The following KCNMB4 variants were observed in gnomAD, a reference collection of about 807,000 sequenced individuals.
KCNMB4 encodes potassium calcium-activated channel subfamily M regulatory beta subunit 4, also known as calcium-activated potassium channel subunit beta-4.
Under a neutral mutation model 20.7 loss-of-function variants are expected in KCNMB4, and 3 were observed. The observed-to-expected ratio is 0.14, with a 90% confidence interval of 0.07 to 0.37. The LOEUF (loss-of-function observed/expected upper bound fraction) is 0.37, where lower values mean the gene tolerates loss of function less well. Among genes scored for constraint, KCNMB4 ranks in the 10% least tolerant of loss-of-function variants. The pLI, the probability that KCNMB4 is intolerant of heterozygous loss-of-function variation, is 1.00. For missense variants in KCNMB4, 168 were observed against 265.9 expected, an observed-to-expected ratio of 0.63 and a Z score of 2.56; for synonymous variants, 110 against 113.4, an observed-to-expected ratio of 0.97 and a Z score of 0.19.
intron 1 of KCNMB4, among the ~76,000 whole-genome samples, chr12:70,373,091 C>T (rs375592176): frequency 3.7e-4 from 56 of 152,092 alleles, no homozygotes; most frequent in Non-Finnish European, 6.3e-4. Context: ...AGAGTAAATT[C>T]GAGCCCACAG....
At chr12:70,413,991 T>G (rs1255495347) in intron 2 of KCNMB4, among the ~76,000 whole-genome samples, 1 of 152,140 alleles carries the variant, frequency 6.6e-6, no homozygotes, top group South Asian at 2.1e-4. Context: ...CCCAGCACTT[T>G]GGGAGGCTGA....
intron 1 of KCNMB4, among the ~76,000 whole-genome samples, chr12:70,388,676 A>G (rs1056298053): frequency 3.9e-5 from 6 of 152,078 alleles, no homozygotes; most frequent in Admixed American, 3.9e-4. Flanking sequence ...TTAATTTTTA[A>G]TTAGAATAGC....
chr12:70,426,671 G>A (rs1463722466), intron 2 of KCNMB4, among the ~76,000 whole-genome samples: 3 of 152,106 alleles, frequency 2.0e-5, no homozygotes, highest in African/African-American at 7.2e-5. Flanking sequence ...GTGTAATCCT[G>A]GGGAAACTAA....
chr12:70,408,843 T>C (rs1868688616), intron 2 of KCNMB4, among the ~76,000 whole-genome samples: 1 of 152,156 alleles, frequency 6.6e-6, no homozygotes, highest in Non-Finnish European at 1.5e-5. Context: ...TCTCAGTCTT[T>C]CCCTGGCTTA....
chr12:70,403,822 G>A (rs987348299), intron 2 of KCNMB4, among the ~76,000 whole-genome samples: 8 of 152,164 alleles, frequency 5.3e-5, no homozygotes, highest in Admixed American at 1.3e-4. Context: ...TCACCAGGCT[G>A]CACACTTGTT....
chr12:70,420,993 A>G (rs1432284865), intron 2 of KCNMB4, among the ~76,000 whole-genome samples: 2 of 151,038 alleles, frequency 1.3e-5, no homozygotes, highest in Non-Finnish European at 2.9e-5. Context: ...GGGAGCTTCC[A>G]GTGAGCTGAG....
intron 1 of KCNMB4, among the ~76,000 whole-genome samples, chr12:70,394,126 G>C (rs1057217191): frequency 6.6e-6 from 1 of 152,148 alleles, no homozygotes; most frequent in Non-Finnish European, 1.5e-5. Context: ...GGAGAAGGGA[G>C]TGAGTAATAG....
At chr12:70,378,845 A>AT in intron 1 of KCNMB4, among the ~76,000 whole-genome samples, 1 of 152,224 alleles carries the variant, frequency 6.6e-6, no homozygotes, top group Admixed American at 6.5e-5. Flanking sequence ...CCCAAAGTGT[A>AT]TTTTTTAAAT....
chr12:70,368,589 AT>A (rs559519861), intron 1 of KCNMB4, among the ~76,000 whole-genome samples: 2,570 of 147,574 alleles, frequency 0.017, 82 homozygotes, highest in African/African-American at 0.059. Flanking sequence ...TTTTAGAAAC[AT>A]TTTTTTTTTT....
At chr12:70,425,158 C>T (rs1869175668) in intron 2 of KCNMB4, among the ~76,000 whole-genome samples, 1 of 152,050 alleles carries the variant, frequency 6.6e-6, no homozygotes, top group African/African-American at 2.4e-5. Context: ...ACATTGAGGC[C>T]AGGTGTGGTG....
At chr12:70,380,649 C>CAA (rs77962117) in intron 1 of KCNMB4, among the ~76,000 whole-genome samples, 3 of 119,074 alleles carry the variant, frequency 2.5e-5, no homozygotes, top group Non-Finnish European at 3.6e-5. Context: ...ACTGAGAGTC[C>CAA]AAAAAAAAAA....
chr12:70,375,243 T>A (rs1173479782), intron 1 of KCNMB4, among the ~76,000 whole-genome samples: 5 of 152,168 alleles, frequency 3.3e-5, no homozygotes, highest in African/African-American at 1.2e-4. Flanking sequence ...TATCTGTTCA[T>A]TGAGTTTATG....
intron 1 of KCNMB4, among the ~76,000 whole-genome samples, chr12:70,388,090 T>C (rs1397122342): frequency 6.6e-6 from 1 of 152,176 alleles, no homozygotes; most frequent in Non-Finnish European, 1.5e-5. Context: ...TGTCTTTCTA[T>C]GCCTTGCTTA....
intron 2 of KCNMB4, among the ~76,000 whole-genome samples, chr12:70,423,974 A>G (rs1039833192): frequency 3.3e-5 from 5 of 152,258 alleles, no homozygotes; most frequent in African/African-American, 4.8e-5. Context: ...CATTTTATCA[A>G]TGTTAACATT....
chr12:70,385,085 T>G (rs550044803), intron 1 of KCNMB4, among the ~76,000 whole-genome samples: 2 of 152,044 alleles, frequency 1.3e-5, no homozygotes, highest in Non-Finnish European at 2.9e-5. Flanking sequence ...CATCTTGGTA[T>G]TTGTATTTGT....
chr12:70,399,097 A>C (rs777631931), intron 1 of KCNMB4, among the ~76,000 whole-genome samples: 10 of 152,184 alleles, frequency 6.6e-5, no homozygotes, highest in Non-Finnish European at 8.8e-5. Flanking sequence ...CCCAGAATTA[A>C]ATGAGGGTGA....
At chr12:70,429,352 T>A (rs189436851) in intron 2 of KCNMB4, among the ~76,000 whole-genome samples, 1 of 152,254 alleles carries the variant, frequency 6.6e-6, no homozygotes. Flanking sequence ...TCTTACAAAA[T>A]GTAAACCTCT....
chr12:70,382,907 C>A (rs1883818496), intron 1 of KCNMB4, among the ~76,000 whole-genome samples: 1 of 151,608 alleles, frequency 6.6e-6, no homozygotes, highest in African/African-American at 2.4e-5. Context: ...AGTGTACTTA[C>A]ACAAACCTAG....
At chr12:70,394,037 T>C (rs1868327876) in intron 1 of KCNMB4, among the ~76,000 whole-genome samples, 1 of 152,202 alleles carries the variant, frequency 6.6e-6, no homozygotes, top group African/African-American at 2.4e-5. Context: ...ATGTCTTCTT[T>C]TGTAGTCACA....
Sources: allele counts gnomAD v4.1 joint callset (sites outside exome capture counted in the v4.1 genomes callset), GRCh38; gene constraint gnomAD v4.1.1; transcripts MANE v1.5; gene names NCBI Gene and HGNC (gene_info 2026-07-23, HGNC 2026-07-21).